Variants in DDAH1 observed in about 807,000 individuals in gnomAD.
The protein encoded by DDAH1 is N(G),N(G)-dimethylarginine dimethylaminohydrolase 1.
DDAH1 carries 19 observed loss-of-function variants against 28.8 expected under a neutral mutation model. The ratio of observed to expected loss-of-function variants is 0.66; its 90% CI spans 0.46 to 0.97. The LOEUF (loss-of-function observed/expected upper bound fraction) is 0.97. Among genes scored for constraint, DDAH1 ranks in the 50% least tolerant of loss-of-function variants. The pLI is 0.00. For missense variants in DDAH1, 326 were observed against 375.9 expected (o/e 0.87, Z 1.10); for synonymous variants, 153 against 154.4 (o/e 0.99, Z 0.07).
intron 4 of DDAH1, among the ~76,000 whole-genome samples, chr1:85,345,949 T>G (rs1379003878): frequency 6.6e-6 from 1 of 152,222 alleles, no homozygotes; most frequent in Non-Finnish European, 1.5e-5. Flanking sequence ...CCTAGATGGA[T>G]GATTTCATTT....
chr1:85,361,527 A>C (rs902152003), intron 1 of DDAH1, among the ~76,000 whole-genome samples: 4 of 152,222 alleles, frequency 2.6e-5, no homozygotes, highest in Non-Finnish European at 4.4e-5. Context: ...AGCCCACAAA[A>C]TTAGAAATAA....
At chr1:85,506,421 G>C (rs1431414186) in intron 1 of DDAH1, among the ~76,000 whole-genome samples, 1 of 152,166 alleles carries the variant, frequency 6.6e-6, no homozygotes, top group African/African-American at 2.4e-5. Context: ...AAATAGGGCA[G>C]TATTAGTATA....
intron 1 of DDAH1, among the ~76,000 whole-genome samples, chr1:85,543,746 G>A (rs1288725793): frequency 6.6e-6 from 1 of 152,120 alleles, no homozygotes; most frequent in African/African-American, 2.4e-5. Flanking sequence ...CTATAAAAGT[G>A]GGGCTGAAAA....
upstream of DDAH1, among the ~76,000 whole-genome samples, chr1:85,469,910 G>A (rs1655559556): frequency 6.6e-6 from 1 of 152,192 alleles, no homozygotes; most frequent in Admixed American, 6.5e-5. Flanking sequence ...AATTCCCTCT[G>A]TTTGACATAC....
chr1:85,335,482 T>A (rs1196884807), intron 4 of DDAH1, among the ~76,000 whole-genome samples: 1 of 152,014 alleles, frequency 6.6e-6, no homozygotes, highest in Non-Finnish European at 1.5e-5. Flanking sequence ...AGAAAAAATA[T>A]TCCACACAAA....
chr1:85,452,587 C>T (rs897069363), intron 1 of DDAH1, among the ~76,000 whole-genome samples: 18 of 151,628 alleles, frequency 1.2e-4, no homozygotes, highest in Non-Finnish European at 1.8e-4. Context: ...GATCCACTTA[C>T]GAGTTGAACT....
At chr1:85,528,544 A>G (rs1247712517) in intron 1 of DDAH1, among the ~76,000 whole-genome samples, 1 of 151,526 alleles carries the variant, frequency 6.6e-6, no homozygotes, top group Non-Finnish European at 1.5e-5. Flanking sequence ...ATATTATCAT[A>G]TTCTGAAGAA....
intron 4 of DDAH1, among the ~76,000 whole-genome samples, chr1:85,343,096 A>G (rs989148956): frequency 2.0e-5 from 3 of 152,218 alleles, no homozygotes; most frequent in Non-Finnish European, 4.4e-5. Flanking sequence ...AGTCAGTTTA[A>G]TACTTTTTGA....
intron 1 of DDAH1, chr1:85,404,438 G>A (rs1296138332): frequency 1.2e-5 from 19 of 1,530,648 alleles, no homozygotes; most frequent in South Asian, 4.8e-5. Context: ...CAGTTCCTCC[G>A]CAATCTTTTC....
At chr1:85,374,593 T>C (rs1477989255) in intron 1 of DDAH1, among the ~76,000 whole-genome samples, 1 of 152,084 alleles carries the variant, frequency 6.6e-6, no homozygotes, top group Non-Finnish European at 1.5e-5. Flanking sequence ...ATAAGTCAAA[T>C]AGAACCATTA....
intron 1 of DDAH1, among the ~76,000 whole-genome samples, chr1:85,541,153 G>T (rs1658460855): frequency 6.6e-6 from 1 of 152,116 alleles, no homozygotes; most frequent in African/African-American, 2.4e-5. Flanking sequence ...CGTGTTTCAA[G>T]AGACGTTCAT....
chr1:85,412,308 C>G, intron 1 of DDAH1, among the ~76,000 whole-genome samples: 1 of 152,178 alleles, frequency 6.6e-6, no homozygotes, highest in East Asian at 1.9e-4. Context: ...AATAATCAGT[C>G]TACTGTTAGA....
chr1:85,501,966 C>T (rs1656837439), intron 1 of DDAH1, among the ~76,000 whole-genome samples: 1 of 152,184 alleles, frequency 6.6e-6, no homozygotes, highest in Non-Finnish European at 1.5e-5. Context: ...ACCTTCTCCT[C>T]CTCTTTATCC....
At chr1:85,428,397 G>C (rs1018873326) in intron 1 of DDAH1, among the ~76,000 whole-genome samples, 8 of 152,054 alleles carry the variant, frequency 5.3e-5, no homozygotes, top group Admixed American at 1.3e-4. Flanking sequence ...TAGGGGAACT[G>C]CCTTTTATAA....
Position 85,476,679 on chromosome 1 carries a change from T to C in DDAH1, c.-7+19487A>G, listed in dbSNP as rs1655815604. Among the ~76,000 whole-genome samples, 2 of 152,184 alleles carry C rather than the reference T, an allele frequency of 1.3e-5. 1 individual carries two copies. The highest frequency in any genetic ancestry group is 4.1e-4 in the South Asian group (2 of 4,824). ...TGGCATGATTTCTGCTATCCTGTAC[T>C]GGTCAAAGCAGTCACAGGCCTGCCC... is the stretch of plus-strand genomic sequence containing the variant. On this transcript the variant is annotated intron_variant, in intron 2 of 6. Transcript: ENST00000426972.
Position 85,448,417 on chromosome 1 carries a change from G to C in DDAH1, c.303+16326C>G, listed in dbSNP as rs541300838. ...AAGAGTGAGAGGTTCTGAAAATCTG[G>C]TTGGTTTATTTTAGAGTTCTATGAA... On this transcript the variant is annotated intron_variant, in intron 1 of 5. Coordinates refer to ENST00000284031, the MANE Select transcript of DDAH1 (RefSeq NM_012137.4). 6.8e-4 allele frequency among the ~76,000 whole-genome samples: 104 copies of C among 152,282 alleles called. No individual in the cohort carries two copies. The South Asian group carries it at 0.021, about 31-fold the overall frequency.
intron 1 of DDAH1, among the ~76,000 whole-genome samples, chr1:85,387,429 C>T (rs1651331338): frequency 6.6e-6 from 1 of 152,190 alleles, no homozygotes; most frequent in African/African-American, 2.4e-5. Flanking sequence ...CTATTAAATT[C>T]AGCCTTCCAC....
At chr1:85,502,938 C>G (rs945725621) in intron 1 of DDAH1, among the ~76,000 whole-genome samples, 43 of 152,154 alleles carry the variant, frequency 2.8e-4, no homozygotes, top group Admixed American at 2.7e-3. Flanking sequence ...TCTCCTTCAG[C>G]CAGATTTTCT....
chr1:85,532,838 G>C (rs1658137516), intron 1 of DDAH1, among the ~76,000 whole-genome samples: 1 of 152,148 alleles, frequency 6.6e-6, no homozygotes, highest in South Asian at 2.1e-4. Context: ...CTACCAAATG[G>C]GCATCCTTGG....
Sources: allele counts gnomAD v4.1 joint callset (sites outside exome capture counted in the v4.1 genomes callset), GRCh38; gene constraint gnomAD v4.1.1; transcripts MANE v1.5; gene names NCBI Gene and HGNC (gene_info 2026-07-23, HGNC 2026-07-21).